The following CCDC7 variants were observed in gnomAD, a reference collection of about 807,000 sequenced individuals.
CCDC7 encodes coiled-coil domain containing 7.
CCDC7 carries 183 observed loss-of-function variants against 196.9 expected under a neutral mutation model. The observed-to-expected ratio is 0.93, with a 90% CI of 0.82 to 1.05. The LOEUF (loss-of-function observed/expected upper bound fraction) is 1.05. Among genes scored for constraint, CCDC7 ranks in the 50% least tolerant of loss-of-function variants. CCDC7 has a pLI of 0.00. For missense variants in CCDC7, 1,540 were observed against 1,482.2 expected (o/e 1.04, Z -0.64); for synonymous variants, 525 against 484.6 (o/e 1.08, Z -1.10).
At chr10:32,700,029 C>G (rs372155958) in intron 24 of CCDC7, among the ~76,000 whole-genome samples, 1 of 149,414 alleles carries the variant, frequency 6.7e-6, no homozygotes, top group Non-Finnish European at 1.5e-5. Context: ...ATGGTAGTTT[C>G]TTTTGCTGTG....
At chr10:32,755,101 G>T (rs983197460) in intron 28 of CCDC7, among the ~76,000 whole-genome samples, 2 of 152,154 alleles carry the variant, frequency 1.3e-5, no homozygotes, top group African/African-American at 4.8e-5. Context: ...GCTTGAGTAG[G>T]TAAACAAAGC....
In CCDC7 at chr10:32,583,038, G is replaced by T; in HGVS notation, c.1459G>T (p.Glu487Ter). Reference sequence around the variant, plus strand: ...AGATGTTTTATAATTCTAAAGCTCAGAGAAGAAACGATCTAGCCCTGCTAT... The same window carrying T: ...AGATGTTTTATAATTCTAAAGCTCATAGAAGAAACGATCTAGCCCTGCTAT... The change falls in exon 17 of 42, where the codon GAG (glutamate) becomes TAG (stop). Residue 487 changes from glutamate to a stop codon, truncating the protein, a stop_gained. Coordinates refer to ENST00000639629, the Ensembl canonical transcript of CCDC7. LOFTEE classifies it high-confidence loss of function. 8.1e-7 allele frequency: 1 copy of T among 1,231,060 alleles called. No homozygotes were observed. Among genetic ancestry groups the T allele is most frequent in the South Asian group, 4.1e-5 (1 of 24,246 alleles). 76.3% of individuals were successfully genotyped at this position (1,231,060 alleles called of 1,614,324 possible).
intron 20 of CCDC7, among the ~76,000 whole-genome samples, chr10:32,656,067 A>G (rs553238773): frequency 1.3e-5 from 2 of 151,922 alleles, no homozygotes; most frequent in East Asian, 3.9e-4. Context: ...ATACAATCTT[A>G]TTCTATTTTT....
chr10:32,732,168 T>C (rs1483696887), intron 28 of CCDC7, among the ~76,000 whole-genome samples: 1 of 152,206 alleles, frequency 6.6e-6, no homozygotes, highest in Non-Finnish European at 1.5e-5. Flanking sequence ...GCCTTTCTTT[T>C]TGCAACTGAG....
intron 9 of CCDC7, among the ~76,000 whole-genome samples, chr10:32,505,291 G>A (rs1000559807): frequency 3.3e-5 from 5 of 151,968 alleles, no homozygotes; most frequent in Non-Finnish European, 7.4e-5. Flanking sequence ...AGATAAACAC[G>A]TGAACAAAGG....
chr10:32,732,898 T>C (rs1356515897), intron 28 of CCDC7, among the ~76,000 whole-genome samples: 1 of 152,140 alleles, frequency 6.6e-6, no homozygotes, highest in East Asian at 1.9e-4. Context: ...CCTTTTTGTA[T>C]TATTATAGCT....
At chr10:32,708,958 C>A (rs1447521847) in intron 24 of CCDC7, among the ~76,000 whole-genome samples, 3 of 152,148 alleles carry the variant, frequency 2.0e-5, no homozygotes, top group African/African-American at 4.8e-5. Context: ...TGACCCAGCA[C>A]TCCCATTACT....
intron 8 of CCDC7, among the ~76,000 whole-genome samples, chr10:32,475,543 A>T (rs2038816341): frequency 1.3e-5 from 2 of 152,222 alleles, no homozygotes; most frequent in South Asian, 4.1e-4. Flanking sequence ...GATTTTGCTC[A>T]TGGTTCTAAA....
chr10:32,841,223 A>C (rs1422895117), intron 33 of CCDC7, among the ~76,000 whole-genome samples: 1 of 151,996 alleles, frequency 6.6e-6, no homozygotes, highest in Non-Finnish European at 1.5e-5. Context: ...CTGTTTGCTG[A>C]TGATATGATC....
chr10:32,680,730 A>G (rs1364552591), intron 21 of CCDC7, among the ~76,000 whole-genome samples: 1 of 152,196 alleles, frequency 6.6e-6, no homozygotes, highest in East Asian at 1.9e-4. Context: ...TCAAGATCAC[A>G]GTCATCTTGA....
intron 1 of CCDC7, 101 bp from the exon 3 acceptor site, chr10:32,453,243 G>A: frequency 1.1e-6 from 1 of 897,230 alleles, no homozygotes; most frequent in Non-Finnish European, 1.5e-6. Context: ...AGTCTTACTG[G>A]TAAAAAGGTC....
At chr10:32,526,344 A>T (rs571508381) in intron 11 of CCDC7, among the ~76,000 whole-genome samples, 12 of 152,148 alleles carry the variant, frequency 7.9e-5, no homozygotes, top group Non-Finnish European at 1.8e-4. Context: ...AAGGTCCAGA[A>T]ATATTGTCCA....
chr10:32,728,871 G>A lies in CCDC7; in HGVS notation c.2669-16G>A, dbSNP rs757836240. ...TATGTTTCCATTTGATGGACTAAAT[G>A]CATCTCTTGATATAGCTCGTATTGT... On this transcript the variant is annotated splice_polypyrimidine_tract_variant and intron_variant, in intron 26 of 41. Coordinates refer to ENST00000639629, the Ensembl canonical transcript of CCDC7. 1.6e-5 allele frequency: 22 copies of A among 1,403,792 alleles called. No homozygotes were observed. The Admixed American group carries it at 2.1e-4, about 14-fold the overall frequency. The allele number at this position is 1,403,792 out of a possible 1,614,324, so 87.0% of individuals were successfully genotyped here. A position where few individuals can be genotyped will look rare whatever the true frequency, so the allele number is the denominator to read the frequency against.
rs571847878 is a variant in CCDC7 at position 32,695,427 on chromosome 10, G to A, written c.2458+435G>A. Among the ~76,000 whole-genome samples, 3 of 152,312 alleles carry A rather than the reference G, an allele frequency of 2.0e-5. No homozygotes were observed. The South Asian group carries it at 6.2e-4, about 32-fold the overall frequency. On this transcript the variant is annotated intron_variant, in intron 24 of 41. Transcript: ENST00000639629. ...GGCCAAGGGGAAAAACAACCTATGT[G>A]GTCACTGGAGGGTCTCCAGAACATC...
chr10:32,800,861 G>C (rs72782295), intron 29 of CCDC7, among the ~76,000 whole-genome samples: 13,054 of 152,206 alleles, frequency 0.086, 877 homozygotes, highest in South Asian at 0.25. Flanking sequence ...GGAATTTTCT[G>C]CTTATATAAA....
chr10:32,703,927 TC>T (rs1185350520), intron 24 of CCDC7, among the ~76,000 whole-genome samples: 2 of 152,108 alleles, frequency 1.3e-5, no homozygotes, highest in African/African-American at 4.8e-5. Flanking sequence ...TAATTTTTTT[TC>T]AAGGTTTTTA....
intron 20 of CCDC7, among the ~76,000 whole-genome samples, chr10:32,651,233 T>G (rs1242381894): frequency 6.6e-6 from 1 of 152,130 alleles, no homozygotes; most frequent in Non-Finnish European, 1.5e-5. Context: ...AGTCTCCCAG[T>G]CTCTTAACTC....
At chr10:32,803,557 T>C (rs1788498012) in intron 29 of CCDC7, among the ~76,000 whole-genome samples, 1 of 152,168 alleles carries the variant, frequency 6.6e-6, no homozygotes, top group Admixed American at 6.5e-5. Context: ...AGCTATTTCT[T>C]AACTCTTACT....
chr10:32,565,015 T>C (rs2056550009), intron 13 of CCDC7, among the ~76,000 whole-genome samples: 1 of 152,124 alleles, frequency 6.6e-6, no homozygotes, highest in South Asian at 2.1e-4. Flanking sequence ...ATCTGCCTAC[T>C]CTTGATTGTT....
Sources: allele counts gnomAD v4.1 joint callset (sites outside exome capture counted in the v4.1 genomes callset), GRCh38; gene constraint gnomAD v4.1.1; transcripts MANE v1.5; gene names NCBI Gene and HGNC (gene_info 2026-07-23, HGNC 2026-07-21).